MAN2A1: variants seen among roughly 807,000 people sequenced by gnomAD.
MAN2A1 encodes the protein mannosidase alpha class 2A member 1.
In MAN2A1, 76 loss-of-function variants were observed where a neutral mutation model predicts 142.6. The ratio of observed to expected loss-of-function variants is 0.53; its 90% confidence interval spans 0.44 to 0.65. MAN2A1 has a LOEUF of 0.65. Ranked by LOEUF, MAN2A1 falls within the 30% of genes least tolerant of loss-of-function variation. The pLI, the probability that MAN2A1 is intolerant of heterozygous loss-of-function variation, is 0.00. For synonymous variants in MAN2A1, 559 were observed against 473.2 expected, an observed-to-expected ratio of 1.18 and a Z score of -2.35; for missense variants, 1,311 against 1,365.1, an observed-to-expected ratio of 0.96 and a Z score of 0.62.
At chr5:109,862,432 A>T (rs1285313396) in intron 20 of MAN2A1, 2 of 152,216 alleles carry the variant, frequency 1.3e-5, no homozygotes, top group African/African-American at 2.4e-5. Context: ...TACTTCAGTA[A>T]TTCAGCCTCG....
At chr5:109,700,219 A>G (rs1750937119) in intron 1 of MAN2A1, among the ~76,000 whole-genome samples, 1 of 151,174 alleles carries the variant, frequency 6.6e-6, no homozygotes, top group African/African-American at 2.4e-5. Context: ...TTTACAACTC[A>G]TTATGCACCA....
chr5:109,753,364 G>C (rs547842886), intron 4 of MAN2A1, among the ~76,000 whole-genome samples: 1 of 152,192 alleles, frequency 6.6e-6, no homozygotes, highest in East Asian at 1.9e-4. Context: ...CTTGAATTTA[G>C]TTGTGTTCTT....
chr5:109,758,034 T>C (rs1024562478), intron 5 of MAN2A1, among the ~76,000 whole-genome samples: 1 of 152,140 alleles, frequency 6.6e-6, no homozygotes, highest in Non-Finnish European at 1.5e-5. Flanking sequence ...TGACTCTACC[T>C]TTCTTCCTAG....
At chr5:109,818,562 C>A (rs913231752) in intron 13 of MAN2A1, among the ~76,000 whole-genome samples, 1 of 152,036 alleles carries the variant, frequency 6.6e-6, no homozygotes, top group Non-Finnish European at 1.5e-5. Context: ...GTCTGCTGAA[C>A]CTCAAGCATT....
At chr5:109,803,345 T>G (rs1754081713) in intron 12 of MAN2A1, among the ~76,000 whole-genome samples, 1 of 152,130 alleles carries the variant, frequency 6.6e-6, no homozygotes, top group Non-Finnish European at 1.5e-5. Context: ...TTGATTTTGT[T>G]TATATTTTAA....
At chr5:109,810,761 A>G (rs529390139) in intron 12 of MAN2A1, among the ~76,000 whole-genome samples, 33 of 152,242 alleles carry the variant, frequency 2.2e-4, no homozygotes, top group African/African-American at 7.2e-4. Flanking sequence ...TCCTCTCTTC[A>G]GCAGTTTTTC....
At chr5:109,845,012 G>A (rs1200598079) in intron 17 of MAN2A1, among the ~76,000 whole-genome samples, 1 of 152,208 alleles carries the variant, frequency 6.6e-6, no homozygotes, top group Non-Finnish European at 1.5e-5. Context: ...GAAGATTAAA[G>A]ATCACATTTG....
intron 1 of MAN2A1, among the ~76,000 whole-genome samples, chr5:109,705,421 GTTAGACCAAA>G (rs1021867257): frequency 1.3e-5 from 2 of 152,112 alleles, no homozygotes; most frequent in African/African-American, 4.8e-5. Context: ...GTAGAGCCTT[GTTAGACCAAA>G]TTATGCCCCT....
intron 5 of MAN2A1, among the ~76,000 whole-genome samples, chr5:109,758,394 T>A (rs1443991390): frequency 6.6e-6 from 1 of 151,914 alleles, no homozygotes; most frequent in Non-Finnish European, 1.5e-5. Flanking sequence ...ATTATTGACT[T>A]AGAATTTTTT....
intron 12 of MAN2A1, among the ~76,000 whole-genome samples, chr5:109,809,927 A>T: frequency 6.6e-6 from 1 of 151,662 alleles, no homozygotes. Context: ...TCTTTTTTTC[A>T]CCACTTCCAT....
intron 4 of MAN2A1, among the ~76,000 whole-genome samples, chr5:109,734,468 G>A (rs1320625055): frequency 6.6e-6 from 1 of 152,066 alleles, no homozygotes; most frequent in African/African-American, 2.4e-5. Context: ...ATGTTAGGGT[G>A]TCAATTTTGG....
intron 4 of MAN2A1, among the ~76,000 whole-genome samples, chr5:109,749,109 A>G (rs1050411825): frequency 6.6e-6 from 1 of 152,092 alleles, no homozygotes; most frequent in African/African-American, 2.4e-5. Flanking sequence ...TTAGAAATTC[A>G]GCTGGTTTTC....
intron 4 of MAN2A1, among the ~76,000 whole-genome samples, chr5:109,736,800 T>C (rs2112597942): frequency 6.6e-6 from 1 of 152,254 alleles, no homozygotes; most frequent in Admixed American, 6.5e-5. Flanking sequence ...TGCTTTCATC[T>C]TTCCTAATTC....
chr5:109,793,477 T>C (rs1753785570), intron 12 of MAN2A1, among the ~76,000 whole-genome samples: 1 of 152,136 alleles, frequency 6.6e-6, no homozygotes, highest in South Asian at 2.1e-4. Flanking sequence ...AGACACCAGA[T>C]ATGCATAGAA....
chr5:109,820,093 G>T, intron 14 of MAN2A1, 127 bp from the exon 15 acceptor site: 1 of 891,506 alleles, frequency 1.1e-6, no homozygotes, highest in Non-Finnish European at 1.7e-6. Flanking sequence ...TCCGTGGTCT[G>T]TGTGTCACTG....
At chr5:109,806,655 T>A (rs2112705427) in intron 12 of MAN2A1, among the ~76,000 whole-genome samples, 1 of 152,348 alleles carries the variant, frequency 6.6e-6, no homozygotes, top group Non-Finnish European at 1.5e-5. Flanking sequence ...GTTTAGAAAC[T>A]AAAAGTTTAT....
At chr5:109,697,620 A>G (rs1037022839) in intron 1 of MAN2A1, among the ~76,000 whole-genome samples, 7 of 152,168 alleles carry the variant, frequency 4.6e-5, no homozygotes, top group Non-Finnish European at 2.9e-5. Context: ...TCATCTACCA[A>G]TTGTCTCTGA....
chr5:109,713,839 C>A, intron 2 of MAN2A1, 65 bp downstream of exon 2: 1 of 1,470,928 alleles, frequency 6.8e-7, no homozygotes, highest in Non-Finnish European at 9.2e-7. Flanking sequence ...AAGATTTGAC[C>A]TGATGTCTGT....
chr5:109,801,545 G>A (rs1334559222), intron 12 of MAN2A1, among the ~76,000 whole-genome samples: 1 of 152,150 alleles, frequency 6.6e-6, no homozygotes, highest in Non-Finnish European at 1.5e-5. Flanking sequence ...AGGAGAAAGA[G>A]ATAATGGTTG....
Sources: gnomAD v4.1 joint callset for allele counts (sites outside exome capture counted in the v4.1 genomes callset) on GRCh38, gnomAD v4.1.1 for gene constraint, MANE v1.5 for transcripts, NCBI Gene and HGNC (gene_info 2026-07-23, HGNC 2026-07-21) for gene names.